LYSMD1: variants seen among roughly 807,000 people sequenced by gnomAD.
LYSMD1 encodes the protein lysM and putative peptidoglycan-binding domain-containing protein 1.
LYSMD1 carries 9 observed loss-of-function variants against 19.3 expected under a neutral mutation model. The observed-to-expected ratio is 0.47, with a 90% CI of 0.28 to 0.81. LYSMD1 has a LOEUF of 0.81. Ranked by LOEUF, LYSMD1 falls within the 40% of genes least tolerant of loss-of-function variation. The probability of loss-of-function intolerance (pLI) is 0.11; values close to 1 mark genes in which losing one functional copy is unlikely to be tolerated. For missense variants in LYSMD1, 262 were observed against 279.8 expected (o/e 0.94, Z 0.45); for synonymous variants, 111 against 111.7 (o/e 0.99, Z 0.04).
At chr1:151,161,250 C>T (rs587601841) in intron 2 of LYSMD1, among the ~76,000 whole-genome samples, 1 of 152,328 alleles carries the variant, frequency 6.6e-6, no homozygotes, top group South Asian at 2.1e-4. Flanking sequence ...GTAATTCCAG[C>T]ACTTTGGGAG....
At position 151,161,720 on chromosome 1, in the gene LYSMD1, AC is replaced by A; in HGVS notation, c.545+15del. 1 of 1,596,886 alleles carries A rather than the reference AC, an allele frequency of 6.3e-7. No individual in the cohort carries two copies. Among genetic ancestry groups the A allele is most frequent in the Admixed American group, 1.9e-5 (1 of 53,348 alleles). ...GAGTCTAGGGAGGAACTTATAAGGA[AC>A]CATTCAAGACTCACCCATTTTCCCC... On this transcript the variant is annotated intron_variant, in intron 2 of 2. Transcript: ENST00000368908.
At chr1:151,164,548 A>G (rs986755150) in intron 1 of LYSMD1, among the ~76,000 whole-genome samples, 1 of 152,202 alleles carries the variant, frequency 6.6e-6, no homozygotes, top group Non-Finnish European at 1.5e-5. Context: ...AGGCCACCTT[A>G]CTGGAAAGAA....
rs1188625731 is a variant in LYSMD1, at chr1:151,160,172, G to A, written c.*710C>T. ...CAGTGCTGCTTTTTCTCAGAGTCAA[G>A]AATTGTGAAAAAGTTACAGGGAATT... On this transcript the variant is annotated 3_prime_UTR_variant, in exon 3 of 3. Coordinates refer to ENST00000368908, the MANE Select transcript of LYSMD1 (RefSeq NM_212551.5). 2.2e-5 allele frequency: 3 copies of A among 134,646 alleles called. No individual in the cohort carries two copies. Among genetic ancestry groups the A allele is most frequent in the African/African-American group, 8.5e-5 (3 of 35,488 alleles). The allele number at this position is 134,646 out of a possible 1,614,324, so 8.3% of individuals were successfully genotyped here.
At position 151,165,130 on chromosome 1, in the gene LYSMD1, C is replaced by A. The variant is rs149156485; in HGVS notation, c.129G>T (p.Gln43His). 8 of 1,614,224 alleles carry A rather than the reference C, an allele frequency of 5.0e-6. No individual in the cohort carries two copies. The highest frequency in any genetic ancestry group is 1.1e-5 in the South Asian group (1 of 91,090). ...CAGCCAGGGTGTCTCCGGGCTCCAA[C>A]TGATGCTCCAGGCGTCTTTCCCTCA... ...SPVRERRLEHQLEPGDTLAGL... is the reference protein window; with the variant it reads ...SPVRERRLEHHLEPGDTLAGL... The change falls in exon 1 of 3, where the codon CAG (glutamine) becomes CAT (histidine). Residue 43 changes from glutamine to histidine, a missense_variant. Coordinates refer to ENST00000368908, the MANE Select transcript of LYSMD1 (RefSeq NM_212551.5).
chr1:151,162,964 C>T (rs587641130), intron 1 of LYSMD1, among the ~76,000 whole-genome samples: 139 of 152,318 alleles, frequency 9.1e-4, no homozygotes, highest in Admixed American at 4.1e-3. Flanking sequence ...CCTATGGCTC[C>T]GCACTGGCTA....
intron 1 of LYSMD1, among the ~76,000 whole-genome samples, chr1:151,163,591 C>T (rs1013780265): frequency 6.6e-5 from 10 of 152,190 alleles, no homozygotes; most frequent in South Asian, 4.1e-4. Context: ...TGTAGTGGCG[C>T]GATCTCGGCT....
At chr1:151,157,868 G>C (rs1312455144), downstream of LYSMD1, among the ~76,000 whole-genome samples, 1 of 152,306 alleles carries the variant, frequency 6.6e-6, no homozygotes, top group South Asian at 2.1e-4. Flanking sequence ...GAAGTATAGT[G>C]CACTAGCTGC....
chr1:151,165,050 T>C (rs779543164), intron 1 of LYSMD1, 29 bp downstream of exon 1: 2 of 1,600,270 alleles, frequency 1.2e-6, no homozygotes, highest in Admixed American at 3.4e-5. Context: ...TCCTGACTGT[T>C]GTCTTCACCC....
chr1:151,164,974 A>T, intron 1 of LYSMD1, 105 bp downstream of exon 1: 1 of 932,616 alleles, frequency 1.1e-6, no homozygotes, highest in Non-Finnish European at 1.6e-6. Context: ...AGAGTGCAAC[A>T]CATTAGGAAC....
downstream of LYSMD1, among the ~76,000 whole-genome samples, chr1:151,155,068 CT>C (rs1395591306): frequency 2.8e-4 from 43 of 152,266 alleles, no homozygotes; most frequent in East Asian, 7.3e-3. Flanking sequence ...CCTGGGGCAA[CT>C]TTTTTAAAGT....
chr1:151,155,964 G>T (rs1210217468), downstream of LYSMD1, among the ~76,000 whole-genome samples: 1 of 151,798 alleles, frequency 6.6e-6, no homozygotes, highest in Non-Finnish European at 1.5e-5. Context: ...GCCAGGCATG[G>T]TGGCACAGGC....
chr1:151,154,489 AG>A, the LYSMD1 span, among the ~76,000 whole-genome samples: 47 of 149,596 alleles, frequency 3.1e-4, 1 homozygote, highest in African/African-American at 5.4e-4. Flanking sequence ...AAAAAAAAAA[AG>A]AAAGAAAGAG....
At chr1:151,155,833 G>C (rs1683204428), downstream of LYSMD1, among the ~76,000 whole-genome samples, 1 of 152,038 alleles carries the variant, frequency 6.6e-6, no homozygotes, top group South Asian at 2.1e-4. Context: ...CCTGCGGGGT[G>C]CGTTGGCTCA....
Position 151,165,507 on chromosome 1 carries a change from G to C in LYSMD1, c.-249C>G. ...CTAATTCTCCCCTAAGCACCCCTCC[G>C]ACTTTGGACTCCCCCACAACTCCTC... On this transcript the variant is annotated 5_prime_UTR_variant, in exon 1 of 3. Coordinates refer to ENST00000368908, the MANE Select transcript of LYSMD1 (RefSeq NM_212551.5). 1 of 1,437,954 alleles carries C rather than the reference G, an allele frequency of 7.0e-7. No individual in the cohort carries two copies. The allele number at this position is 1,437,954 out of a possible 1,614,324, so 89.1% of individuals were successfully genotyped here.
At chr1:151,149,529 T>C in the LYSMD1 span, among the ~76,000 whole-genome samples, 1 of 152,050 alleles carries the variant, frequency 6.6e-6, no homozygotes, top group Admixed American at 6.6e-5. Context: ...GCGGGTGGAT[T>C]GCCTGAGCTC....
chr1:151,161,449 A>G (rs1307786279), intron 2 of LYSMD1, among the ~76,000 whole-genome samples: 1 of 151,794 alleles, frequency 6.6e-6, no homozygotes, highest in Non-Finnish European at 1.5e-5. Flanking sequence ...GTGAGCCAAG[A>G]TCGCGCCACT....
chr1:151,155,567 C>CA (rs1558197190), downstream of LYSMD1, among the ~76,000 whole-genome samples: 2 of 151,196 alleles, frequency 1.3e-5, no homozygotes, highest in East Asian at 1.9e-4. Context: ...CTCCTCTCTA[C>CA]AAAAAAAAGG....
downstream of LYSMD1, among the ~76,000 whole-genome samples, chr1:151,157,484 A>G (rs1319879808): frequency 6.6e-6 from 1 of 152,186 alleles, no homozygotes; most frequent in Non-Finnish European, 1.5e-5. Flanking sequence ...CTGATATGCC[A>G]CCAAGAGGGT....
At chr1:151,149,537 C>T in the LYSMD1 span, among the ~76,000 whole-genome samples, 1 of 152,054 alleles carries the variant, frequency 6.6e-6, no homozygotes, top group South Asian at 2.1e-4. Context: ...ATTGCCTGAG[C>T]TCAGGAGTTC....
Sources: gnomAD v4.1 joint callset for allele counts (sites outside exome capture counted in the v4.1 genomes callset) on GRCh38, gnomAD v4.1.1 for gene constraint, MANE v1.5 for transcripts, NCBI Gene and HGNC (gene_info 2026-07-23, HGNC 2026-07-21) for gene names.